MACF1: variants seen among roughly 807,000 people sequenced by gnomAD.
The protein encoded by MACF1 is microtubule-actin cross-linking factor 1.
MACF1 carries 193 observed loss-of-function variants against 854.8 expected under a neutral mutation model. That is an observed-to-expected ratio of 0.23 (90% CI 0.20 to 0.25). MACF1 has a LOEUF of 0.25. Among genes scored for constraint, MACF1 ranks in the 10% least tolerant of loss-of-function variants. MACF1 has a pLI of 1.00. For synonymous variants in MACF1, 3,185 were observed against 3,226.7 expected (o/e 0.99, Z 0.44); for missense variants, 7,722 against 8,929.1 (o/e 0.86, Z 5.45).
intron 97 of MACF1, among the ~76,000 whole-genome samples, chr1:39,470,135 T>C (rs949266206): frequency 8.5e-5 from 13 of 152,352 alleles, no homozygotes; most frequent in African/African-American, 3.1e-4. Flanking sequence ...GGTTTATTTA[T>C]AAACCTAGCA....
At chr1:39,242,004 A>G (rs1644929756) in intron 2 of MACF1, among the ~76,000 whole-genome samples, 1 of 152,226 alleles carries the variant, frequency 6.6e-6, no homozygotes, top group Admixed American at 6.5e-5. Flanking sequence ...TGTTAAAGCC[A>G]CTGAGAAATT....
At chr1:39,416,120 A>G (rs1478705278) in intron 58 of MACF1, among the ~76,000 whole-genome samples, 1 of 152,200 alleles carries the variant, frequency 6.6e-6, no homozygotes, top group Non-Finnish European at 1.5e-5. Flanking sequence ...CTCTTTGATT[A>G]AGAGGATTGA....
intron 2 of MACF1, among the ~76,000 whole-genome samples, chr1:39,137,005 G>T (rs979769992): frequency 7.9e-5 from 12 of 152,096 alleles, no homozygotes; most frequent in African/African-American, 2.9e-4. Flanking sequence ...ACATGACCAA[G>T]TTATATTTAC....
chr1:39,222,972 C>T (rs905901192), intron 1 of MACF1, among the ~76,000 whole-genome samples: 1 of 152,080 alleles, frequency 6.6e-6, no homozygotes, highest in African/African-American at 2.4e-5. Context: ...TTTCATTTGA[C>T]GTCAGGCCTA....
chr1:39,146,702 G>C (rs1643472185), intron 2 of MACF1, among the ~76,000 whole-genome samples: 1 of 152,056 alleles, frequency 6.6e-6, no homozygotes, highest in African/African-American at 2.4e-5. Context: ...AAGTTGGGAA[G>C]GGGGGATGGG....
rs550371732 is a variant in MACF1 at position 39,145,254 on chromosome 1, A to G, written c.220+60816A>G. On this transcript the variant is annotated intron_variant, in intron 2 of 93. Transcript: ENST00000361689. Reference sequence around the variant, plus strand: ...GCAGCAGCCATTCCAGTCTTTCACCATTCTCTTCAAACTTGTTGCTCCACC... The same window carrying G: ...GCAGCAGCCATTCCAGTCTTTCACCGTTCTCTTCAAACTTGTTGCTCCACC... 1.2e-3 allele frequency among the ~76,000 whole-genome samples: 190 copies of G among 152,208 alleles called. 1 individual carries two copies. The highest frequency in any genetic ancestry group is 4.5e-3 in the African/African-American group (187 of 41,524).
intron 2 of MACF1, among the ~76,000 whole-genome samples, chr1:39,119,188 A>G (rs1398843930): frequency 6.6e-6 from 1 of 152,078 alleles, no homozygotes; most frequent in Non-Finnish European, 1.5e-5. Context: ...GTGGTGGCCC[A>G]TGCCTGTAAT....
At chr1:39,206,979 C>T (rs1295529327) in intron 1 of MACF1, 2 of 140,870 alleles carry the variant, frequency 1.4e-5, no homozygotes, top group South Asian at 2.3e-4. Flanking sequence ...CTGATGTAGT[C>T]TTTTTTTTTT....
intron 49 of MACF1, among the ~76,000 whole-genome samples, chr1:39,363,458 T>C (rs1648379198): frequency 6.6e-6 from 1 of 152,144 alleles, no homozygotes; most frequent in African/African-American, 2.4e-5. Flanking sequence ...AAAAGAAGGG[T>C]ATATTACGTA....
Position 39,335,704 on chromosome 1 carries a change from T to G in MACF1, c.9116T>G (p.Phe3039Cys), listed in dbSNP as rs1178270379. 2.5e-6 allele frequency: 4 copies of G among 1,613,158 alleles called. No individual in the cohort carries two copies. The highest frequency in any genetic ancestry group is 3.4e-6 in the Non-Finnish European group (4 of 1,179,838). ...ADTEMGFSIT[F>C]KIEESSSQVV... is the part of the protein sequence containing the mutation. ...ACAGAAATGGGATTTTCTATTACTT[T>G]TAAAATTGAAGAGTCCTCTTCCCAA... Residue 3039 changes from phenylalanine (F) to cysteine (C), a missense_variant, in exon 37 of 101, where the codon TTT becomes TGT. Phe to Cys is a radical substitution (Grantham distance 205). Around this residue, in one of 15 missense-constraint regions of MACF1, gnomAD observed 854 missense variants for 852.6 expected, o/e 1.00. Coordinates refer to ENST00000564288, the MANE Select transcript of MACF1 (RefSeq NM_001394062.1).
intron 29 of MACF1, among the ~76,000 whole-genome samples, chr1:39,318,099 AG>A (rs1646447891): frequency 6.6e-6 from 1 of 152,196 alleles, no homozygotes; most frequent in South Asian, 2.1e-4. Context: ...CTGTACTGAC[AG>A]GTACTCTGTC....
chr1:39,462,003 G>C lies in MACF1; in HGVS notation c.21644G>C (p.Arg7215Pro). The C allele has an allele frequency of 6.2e-7, 1 of 1,613,758 alleles. No individual in the cohort carries two copies. The highest frequency in any genetic ancestry group is 8.5e-7 in the Non-Finnish European group (1 of 1,179,922). The part of the protein sequence containing the change: ...AALHPNKDAY[R>P]PTTDADKIED... ...CTTCATCCCAACAAGGATGCGTATC[G>C]ACCAACAACCGATGCAGATAAAATC... The change falls in exon 93 of 101, where the codon CGA becomes CCA. Residue 7215 changes from arginine to proline, a missense_variant. Transcript: ENST00000564288.
At chr1:39,297,859 G>T in intron 21 of MACF1, 114 bp downstream of exon 21, 1 of 1,278,492 alleles carries the variant, frequency 7.8e-7, no homozygotes, top group East Asian at 2.4e-5. Context: ...TTGTAATAAA[G>T]TTTGGCTTAC....
chr1:39,407,935 C>G (rs897551059), intron 58 of MACF1, among the ~76,000 whole-genome samples: 7 of 152,200 alleles, frequency 4.6e-5, no homozygotes. Flanking sequence ...ATGCAGCTGC[C>G]TCTGGTGGAC....
intron 99 of MACF1, among the ~76,000 whole-genome samples, chr1:39,481,978 T>C (rs1645019929): frequency 6.6e-6 from 1 of 152,236 alleles, no homozygotes; most frequent in African/African-American, 2.4e-5. Context: ...ACTACTAGAC[T>C]CACCCTGCTT....
At chr1:39,134,080 C>T (rs982258845) in intron 2 of MACF1, among the ~76,000 whole-genome samples, 1 of 137,974 alleles carries the variant, frequency 7.2e-6, no homozygotes, top group African/African-American at 2.6e-5. Context: ...TCGCTCTGTC[C>T]GCCAGGCTAG....
At chr1:39,169,560 C>T (rs1450729987) in intron 2 of MACF1, among the ~76,000 whole-genome samples, 1 of 151,316 alleles carries the variant, frequency 6.6e-6, no homozygotes, top group East Asian at 2.0e-4. Flanking sequence ...GAGCCATGAC[C>T]CTGTCACTGC....
At chr1:39,101,373 T>C (rs1388381520) in intron 2 of MACF1, among the ~76,000 whole-genome samples, 1 of 66,884 alleles carries the variant, frequency 1.5e-5, no homozygotes, top group East Asian at 5.9e-4. Flanking sequence ...AAAAAAAATA[T>C]GTATATATAT....
chr1:39,289,782 A>G (rs1157128166), intron 15 of MACF1, among the ~76,000 whole-genome samples: 2 of 128,238 alleles, frequency 1.6e-5, no homozygotes, highest in Non-Finnish European at 3.1e-5. Flanking sequence ...ATCTCGGCTC[A>G]CTGCAACCTT....
Sources: gnomAD v4.1 joint callset for allele counts (sites outside exome capture counted in the v4.1 genomes callset) on GRCh38, gnomAD v4.1.1 for gene constraint, gnomAD v4.1.1 regional missense constraint, MANE v1.5 for transcripts, NCBI Gene and HGNC (gene_info 2026-07-23, HGNC 2026-07-21) for gene names.